Variants in MGST1 observed in about 807,000 individuals in gnomAD.
The protein encoded by MGST1 is microsomal glutathione S-transferase 1.
MGST1 carries 5 observed loss-of-function variants against 8.9 expected under a neutral mutation model. The observed-to-expected ratio is 0.56, with a 90% CI of 0.29 to 1.19. The LOEUF is 1.19. Among genes scored for constraint, MGST1 ranks in the 50% most tolerant of loss-of-function variants. The probability of loss-of-function intolerance (pLI) is 0.08; values close to 1 mark genes in which losing one functional copy is unlikely to be tolerated. For synonymous variants in MGST1, 54 were observed against 67.8 expected (o/e 0.80, Z 1.00); for missense variants, 182 against 187.4 (o/e 0.97, Z 0.17).
At chr12:16,529,934 A>G (rs1941711934) in intron 4 of MGST1, among the ~76,000 whole-genome samples, 1 of 152,114 alleles carries the variant, frequency 6.6e-6, no homozygotes, top group Admixed American at 6.6e-5. Context: ...TTAGTCACCC[A>G]CACAGAATCA....
At chr12:16,491,410 G>C (rs868531718) in intron 4 of MGST1, among the ~76,000 whole-genome samples, 1 of 152,108 alleles carries the variant, frequency 6.6e-6, no homozygotes, top group Non-Finnish European at 1.5e-5. Context: ...ATGGTATAGT[G>C]GAACAAGAGT....
chr12:16,498,902 T>G (rs1035829964), intron 4 of MGST1, among the ~76,000 whole-genome samples: 6 of 152,206 alleles, frequency 3.9e-5, no homozygotes, highest in African/African-American at 1.4e-4. Flanking sequence ...CATCTTTGAC[T>G]TAAAAAGGAG....
Position 16,548,330 on chromosome 12 carries a change from T to C in MGST1, n.483-41198T>C, listed in dbSNP as rs1941864797. ...CTTTTCATGGACTTAACATATGCTT[T>C]CTAGAGATCATCTTAAATTTTGCCA... is the stretch of plus-strand genomic sequence containing the variant. On this transcript the variant is annotated intron_variant and non_coding_transcript_variant, in intron 4 of 4. Coordinates refer to the MGST1 transcript ENST00000538857. This position sits in a 1 kb window ranked among gnomAD's most constrained non-coding sequence, Gnocchi z 4.2. 1 of 152,168 alleles carries C rather than the reference T, an allele frequency of 6.6e-6. No individual in the cohort carries two copies. Among genetic ancestry groups the C allele is most frequent in the African/African-American group, 2.4e-5 (1 of 41,444 alleles). The allele number at this position is 152,168 out of a possible 1,614,324, so 9.4% of individuals were successfully genotyped here. A position where few individuals can be genotyped will look rare whatever the true frequency, so the allele number is the denominator to read the frequency against.
rs1373926015 is a variant in MGST1 at position 16,389,403 on chromosome 12, G to A, written n.778+5799G>A. Among the ~76,000 whole-genome samples, 1 of 152,232 alleles carries A rather than the reference G, an allele frequency of 6.6e-6. No homozygotes were observed. The highest frequency in any genetic ancestry group is 6.5e-5 in the Admixed American group (1 of 15,288). ...AGAAGACCATTTAAACCAGACTGTA[G>A]TTGAACTAAAATAAATAAGGTCTCT... is the stretch of plus-strand genomic sequence containing the variant. On this transcript the variant is annotated intron_variant and non_coding_transcript_variant, in intron 1 of 1. Transcript: ENST00000359720. This position sits in a 1 kb window ranked among gnomAD's most constrained non-coding sequence, Gnocchi z 4.6.
intron 1 of MGST1, chr12:16,400,742 A>G: frequency 7.8e-7 from 1 of 1,277,468 alleles, no homozygotes; most frequent in South Asian, 1.2e-5. Flanking sequence ...ATCTCCTTCC[A>G]CGGACATACT....
At chr12:16,402,270 G>A (rs1218028481) in intron 1 of MGST1, 1 of 1,588,832 alleles carries the variant, frequency 6.3e-7, no homozygotes, top group Non-Finnish European at 8.6e-7. Context: ...TGTCTGTAAG[G>A]CAGTTGATTT....
At chr12:16,376,240 G>A in exon 4 of MGST1, 1 of 645,744 alleles carries the variant, frequency 1.5e-6, no homozygotes, top group Admixed American at 3.1e-5. Context: ...AATAATTGAA[G>A]AAAAAATTTA....
At chr12:16,476,618 T>A (rs1373968639) in intron 4 of MGST1, among the ~76,000 whole-genome samples, 1 of 152,188 alleles carries the variant, frequency 6.6e-6, no homozygotes, top group Non-Finnish European at 1.5e-5. Flanking sequence ...TGGTTAAACA[T>A]ATTGGTTAAA....
chr12:16,393,039 C>G (rs962353268), intron 1 of MGST1, among the ~76,000 whole-genome samples: 1 of 152,138 alleles, frequency 6.6e-6, no homozygotes, highest in Non-Finnish European at 1.5e-5. Context: ...TGTCACCCAT[C>G]ATGAGTTGAA....
chr12:16,493,521 A>C (rs1941452479), intron 4 of MGST1, among the ~76,000 whole-genome samples: 1 of 152,188 alleles, frequency 6.6e-6, no homozygotes, highest in African/African-American at 2.4e-5. Context: ...AGTTATTTTG[A>C]ATCAAGTTTC....
rs35081887 is a variant in MGST1 at position 16,358,779 on chromosome 12, C to CTTTT, written c.221+1106_221+1109dup. On this transcript the variant is annotated intron_variant, in intron 3 of 3. Coordinates refer to ENST00000396210, the MANE Select transcript of MGST1 (RefSeq NM_020300.5). ...CACCGGACCTGGCCAAAATTCATTC[C>CTTTT]TTTTTTTTTTTTTTTTTTTTTTTTT... Among the ~76,000 whole-genome samples the CTTTT allele has an allele frequency of 4.2e-3, 239 of 57,576 alleles. 12 individuals are homozygous for CTTTT. Among genetic ancestry groups the CTTTT allele is most frequent in the Non-Finnish European group, 4.9e-3 (159 of 32,344 alleles). The allele number at this position is 57,576 out of a possible 152,430, so 37.8% of individuals were successfully genotyped here. A position where few individuals can be genotyped will look rare whatever the true frequency, so the allele number is the denominator to read the frequency against.
downstream of MGST1, among the ~76,000 whole-genome samples, chr12:16,381,101 G>A (rs756101859): frequency 3.4e-4 from 52 of 152,080 alleles, no homozygotes; most frequent in African/African-American, 8.4e-4. Context: ...CCAATTTGCC[G>A]GTCTGTGTCT....
chr12:16,494,108 G>A (rs954075046), intron 4 of MGST1, among the ~76,000 whole-genome samples: 2 of 152,080 alleles, frequency 1.3e-5, no homozygotes, highest in Non-Finnish European at 2.9e-5. Context: ...TGGCATAAAA[G>A]CGGTATGTTC....
intron 4 of MGST1, among the ~76,000 whole-genome samples, chr12:16,477,596 C>A (rs894267808): frequency 1.3e-5 from 2 of 152,118 alleles, no homozygotes; most frequent in Non-Finnish European, 2.9e-5. Context: ...TGTATTTGAA[C>A]AATGATATTT....
At chr12:16,400,746 A>G (rs1442623960) in intron 1 of MGST1, 1 of 1,269,522 alleles carries the variant, frequency 7.9e-7, no homozygotes, top group East Asian at 2.3e-5. Context: ...CCTTCCACGG[A>G]CATACTTATA....
chr12:16,536,082 AGTGTGTGTGT>A (rs10579042), intron 4 of MGST1, among the ~76,000 whole-genome samples: 6 of 145,438 alleles, frequency 4.1e-5, no homozygotes, highest in South Asian at 4.5e-4. Flanking sequence ...GGTGTGTGTG[AGTGTGTGTGT>A]GTGTGTGTGT....
intron 4 of MGST1, among the ~76,000 whole-genome samples, chr12:16,588,417 A>G (rs535740390): frequency 3.9e-5 from 6 of 152,134 alleles, no homozygotes; most frequent in African/African-American, 1.4e-4. Flanking sequence ...AGAAAACCTA[A>G]AACAACCTAA....
chr12:16,486,149 A>T (rs535242591), intron 4 of MGST1, among the ~76,000 whole-genome samples: 3 of 152,126 alleles, frequency 2.0e-5, no homozygotes, highest in Non-Finnish European at 4.4e-5. Context: ...ACAAAATTAC[A>T]TCCCTATTCC....
At chr12:16,375,553 GGTA>G in intron 3 of MGST1, among the ~76,000 whole-genome samples, 1 of 152,024 alleles carries the variant, frequency 6.6e-6, no homozygotes, top group Non-Finnish European at 1.5e-5. Flanking sequence ...TATTATTATT[GGTA>G]GTAGTGTTGA....
Sources: allele counts gnomAD v4.1 joint callset (sites outside exome capture counted in the v4.1 genomes callset), GRCh38; gene constraint gnomAD v4.1.1; non-coding constraint Gnocchi (gnomAD v3.1); transcripts MANE v1.5; gene names NCBI Gene and HGNC (gene_info 2026-07-23, HGNC 2026-07-21).